Variants in COMMD10 observed in about 807,000 individuals in gnomAD.
The protein encoded by COMMD10 is COMM domain containing 10.
In COMMD10, 33 loss-of-function variants were observed where a neutral mutation model predicts 28.9. The observed-to-expected ratio is 1.14, with a 90% confidence interval of 0.87 to 1.53. COMMD10 has a LOEUF of 1.53. COMMD10 is among the 40% of genes most tolerant of loss of function. The probability of loss-of-function intolerance (pLI) is 0.00; values close to 1 mark genes in which losing one functional copy is unlikely to be tolerated. For synonymous variants in COMMD10, 110 were observed against 81.7 expected, an observed-to-expected ratio of 1.35 and a Z score of -1.87; for missense variants, 310 against 233.4, an observed-to-expected ratio of 1.33 and a Z score of -2.14.
At position 116,092,687 on chromosome 5, in the gene COMMD10, T is replaced by C; in HGVS notation, c.386T>C (p.Leu129Pro). The C allele has an allele frequency of 6.2e-7, 1 of 1,606,708 alleles. No individual in the cohort carries two copies. The highest frequency in any genetic ancestry group is 2.2e-5 in the East Asian group (1 of 44,732). Residue 129 changes from leucine to proline, a missense_variant, in exon 4 of 7, where the codon CTG becomes CCG. By Grantham distance (98) the Leu-to-Pro change is moderately conservative. Transcript: ENST00000274458. ...ETVEKFRQRILAPCKLETVGW... is the reference protein window; with the variant it reads ...ETVEKFRQRIPAPCKLETVGW... The stretch of plus-strand genomic sequence containing the variant: ...GTTGAAAAGTTCCGGCAGAGAATTC[T>C]GGCTCCCTGTAAGGTATAGAACATA...
intron 5 of COMMD10, among the ~76,000 whole-genome samples, chr5:116,175,349 T>C (rs968839559): frequency 6.6e-6 from 1 of 152,148 alleles, no homozygotes; most frequent in Non-Finnish European, 1.5e-5. Context: ...TTTAAGTAGA[T>C]GTCCTTATGT....
intron 5 of COMMD10, among the ~76,000 whole-genome samples, chr5:116,227,075 G>C (rs559814114): frequency 6.6e-6 from 1 of 151,970 alleles, no homozygotes; most frequent in African/African-American, 2.4e-5. Flanking sequence ...TTACAGAGTG[G>C]TAAGCAGGAA....
intron 5 of COMMD10, among the ~76,000 whole-genome samples, chr5:116,183,812 A>G (rs146208607): frequency 6.2e-4 from 95 of 152,220 alleles, no homozygotes; most frequent in East Asian, 3.3e-3. Context: ...AAATGTCTCT[A>G]CTGTGACCAT....
chr5:116,245,490 T>G (rs1487195091), intron 5 of COMMD10, among the ~76,000 whole-genome samples: 1 of 152,086 alleles, frequency 6.6e-6, no homozygotes, highest in Admixed American at 6.6e-5. Context: ...ACTCATCCTG[T>G]GAGGCTAGCA....
At chr5:116,287,851 G>A (rs1384226065) in intron 5 of COMMD10, among the ~76,000 whole-genome samples, 2 of 151,378 alleles carry the variant, frequency 1.3e-5, no homozygotes, top group African/African-American at 4.9e-5. Context: ...CTCCTTTACT[G>A]CTCCACTTCT....
At chr5:116,268,427 C>T (rs1360063138) in intron 5 of COMMD10, among the ~76,000 whole-genome samples, 6 of 151,752 alleles carry the variant, frequency 4.0e-5, no homozygotes, top group Admixed American at 1.3e-4. Context: ...GTTAGAATGG[C>T]AATCATTAAA....
intron 5 of COMMD10, among the ~76,000 whole-genome samples, chr5:116,190,643 T>C (rs934413165): frequency 2.0e-5 from 3 of 152,216 alleles, no homozygotes; most frequent in African/African-American, 7.2e-5. Flanking sequence ...GTTGGGATTG[T>C]AAAGTCTTGC....
At chr5:116,283,195 A>G (rs894481101) in intron 5 of COMMD10, among the ~76,000 whole-genome samples, 3 of 151,876 alleles carry the variant, frequency 2.0e-5, no homozygotes, top group African/African-American at 4.9e-5. Flanking sequence ...TACAAAAACA[A>G]CCATTCTACC....
At chr5:116,224,945 A>C (rs2112648195) in intron 5 of COMMD10, among the ~76,000 whole-genome samples, 1 of 152,300 alleles carries the variant, frequency 6.6e-6, no homozygotes, top group Admixed American at 6.5e-5. Flanking sequence ...TTTACATTTA[A>C]ATAAAAGATG....
chr5:116,245,368 A>G (rs1163524051), intron 5 of COMMD10, among the ~76,000 whole-genome samples: 3 of 152,090 alleles, frequency 2.0e-5, no homozygotes, highest in African/African-American at 7.2e-5. Context: ...TTACCAACCA[A>G]TAATGTCCAG....
chr5:116,250,661 TG>T (rs1750087033), intron 5 of COMMD10, among the ~76,000 whole-genome samples: 1 of 151,372 alleles, frequency 6.6e-6, no homozygotes, highest in Non-Finnish European at 1.5e-5. Context: ...GAAGGAAAAA[TG>T]GGAATGAGCT....
intron 5 of COMMD10, among the ~76,000 whole-genome samples, chr5:116,134,706 C>T (rs929433607): frequency 3.3e-5 from 5 of 152,122 alleles, no homozygotes; most frequent in East Asian, 1.9e-4. Context: ...CTGCAGGCTC[C>T]GCCCCCTGGG....
At chr5:116,225,483 A>G (rs1415185705) in intron 5 of COMMD10, among the ~76,000 whole-genome samples, 1 of 151,694 alleles carries the variant, frequency 6.6e-6, no homozygotes, top group African/African-American at 2.4e-5. Context: ...CTAGTAGGCA[A>G]TTAACTTCCT....
At chr5:116,259,790 G>T (rs2112684447) in intron 5 of COMMD10, among the ~76,000 whole-genome samples, 1 of 151,768 alleles carries the variant, frequency 6.6e-6, no homozygotes, top group African/African-American at 2.4e-5. Flanking sequence ...CTGCTACCTT[G>T]TTCTGTTTCT....
chr5:116,267,912 C>A (rs1489404136), intron 5 of COMMD10, among the ~76,000 whole-genome samples: 2 of 151,986 alleles, frequency 1.3e-5, no homozygotes, highest in East Asian at 1.9e-4. Flanking sequence ...AAAGCTGAAA[C>A]TGGATCCCTT....
At chr5:116,085,806 A>C (rs1345754210) in intron 1 of COMMD10, among the ~76,000 whole-genome samples, 1 of 152,188 alleles carries the variant, frequency 6.6e-6, no homozygotes, top group Non-Finnish European at 1.5e-5. Flanking sequence ...ATATAGGCAA[A>C]ATAGTGTTCG....
At chr5:116,092,281 T>C (rs76866886) in intron 3 of COMMD10, among the ~76,000 whole-genome samples, 1 of 152,252 alleles carries the variant, frequency 6.6e-6, no homozygotes, top group Admixed American at 6.5e-5. Context: ...AGTTTTTTGG[T>C]TTTTAAGTGG....
intron 5 of COMMD10, among the ~76,000 whole-genome samples, chr5:116,167,496 A>G (rs1200571365): frequency 6.6e-6 from 1 of 152,084 alleles, no homozygotes; most frequent in Non-Finnish European, 1.5e-5. Flanking sequence ...TACAGAGAAC[A>G]CCACAAAGAT....
intron 4 of COMMD10, among the ~76,000 whole-genome samples, chr5:116,125,207 A>C (rs1178952749): frequency 6.6e-6 from 1 of 151,952 alleles, no homozygotes; most frequent in African/African-American, 2.4e-5. Flanking sequence ...GTTCCTTTCC[A>C]TGTTTAGTGC....
Sources: allele counts gnomAD v4.1 joint callset (sites outside exome capture counted in the v4.1 genomes callset), GRCh38; gene constraint gnomAD v4.1.1; transcripts MANE v1.5; gene names NCBI Gene and HGNC (gene_info 2026-07-23, HGNC 2026-07-21).